The following UBA1 variants were observed in gnomAD, a reference collection of about 807,000 sequenced individuals.
UBA1 encodes ubiquitin like modifier activating enzyme 1.
A neutral mutation model predicts 84.7 loss-of-function variants in UBA1; 4 were observed. The ratio of observed to expected loss-of-function variants is 0.05; its 90% CI spans 0.02 to 0.11. The LOEUF (loss-of-function observed/expected upper bound fraction) is 0.11, where lower values mean the gene tolerates loss of function less well. Among genes scored for constraint, UBA1 ranks in the 10% least tolerant of loss-of-function variants. UBA1 has a pLI of 1.00. For synonymous variants in UBA1, 364 were observed against 362.6 expected (o/e 1.00, Z -0.04); for missense variants, 513 against 902.8 (o/e 0.57, Z 5.53).
Position 47,202,567 on chromosome X carries a change from T to C in UBA1, c.1056+63T>C, listed in dbSNP as rs1327745253. The C allele has an allele frequency of 7.5e-6, 9 of 1,204,901 alleles. No individual in the cohort carries two copies. The Admixed American group carries it at 2.0e-4, about 27-fold the overall frequency. ...TGGCACTGCAGGCTCACCATGCCTC[T>C]CTGCGTGTCCACACTCCCTGCCCTC... On this transcript the variant is annotated intron_variant, in intron 10 of 25. Transcript: ENST00000335972.
chrX:47,214,470 G>A (rs369088520), intron 24 of UBA1, 42 bp downstream of exon 24: 28 of 1,198,734 alleles, frequency 2.3e-5, no homozygotes, highest in Non-Finnish European at 2.9e-5. Context: ...CTCAGGGGGC[G>A]AGGTGTACAC....
At chrX:47,196,226 C>T (rs1429217038) in intron 1 of UBA1, among the ~76,000 whole-genome samples, 5 of 111,400 alleles carry the variant, frequency 4.5e-5, no homozygotes, top group African/African-American at 1.3e-4. Flanking sequence ...ATCTCCTTTC[C>T]CATTTGTCTC....
At chrX:47,211,271 C>T (rs375171899) in intron 20 of UBA1, 46 bp downstream of exon 20, 34 of 1,173,713 alleles carry the variant, frequency 2.9e-5, no homozygotes, top group Middle Eastern at 5.5e-4. Context: ...CACATGTCCC[C>T]GGCCTAGTCC....
intron 5 of UBA1, among the ~76,000 whole-genome samples, chrX:47,200,225 G>A (rs782393958): frequency 7.1e-5 from 8 of 112,445 alleles, no homozygotes; most frequent in African/African-American, 2.6e-4. Context: ...TTCATCTCCT[G>A]TACCTTTGTT....
At chrX:47,204,046 C>T (rs1392117054) in intron 14 of UBA1, among the ~76,000 whole-genome samples, 1 of 109,793 alleles carries the variant, frequency 9.1e-6, no homozygotes, top group Non-Finnish European at 1.9e-5. Flanking sequence ...CCACACCTCA[C>T]CCCTCCTTTT....
rs782494776 is a variant in UBA1, at chrX:47,210,926, C to T, written c.2274+10C>T. 1.7e-6 allele frequency: 2 copies of T among 1,211,108 alleles called. No homozygotes were observed. The highest frequency in any genetic ancestry group is 2.2e-6 in the Non-Finnish European group (2 of 895,011). Reference sequence around the variant, plus strand: ...CTTTGATGTCAACAATGTAAGTCTCCTTTCTAGGGTCTTCTGGGGTCAGGT... The same window carrying T: ...CTTTGATGTCAACAATGTAAGTCTCTTTTCTAGGGTCTTCTGGGGTCAGGT... On this transcript the variant is annotated intron_variant, in intron 19 of 25. Transcript: ENST00000335972.
At chrX:47,209,565 C>T in intron 16 of UBA1, 58 bp from the exon 17 acceptor site, 1 of 1,089,230 alleles carries the variant, frequency 9.2e-7, no homozygotes, top group East Asian at 3.0e-5. Flanking sequence ...CTAATAATGC[C>T]TGCGGAAACC....
chrX:47,196,756 T>G (rs1289296159), intron 1 of UBA1, among the ~76,000 whole-genome samples: 9 of 111,592 alleles, frequency 8.1e-5, no homozygotes, highest in Non-Finnish European at 1.7e-4. Flanking sequence ...GTCCAGATAT[T>G]AAAGTGCTCT....
upstream of UBA1, among the ~76,000 whole-genome samples, chrX:47,193,078 A>G (rs1936091146): frequency 9.0e-6 from 1 of 111,351 alleles, no homozygotes; most frequent in South Asian, 3.8e-4. Context: ...CACTGCAGTG[A>G]CATCTTTCAT....
intron 21 of UBA1, 75 bp from the exon 22 acceptor site, chrX:47,212,696 A>G (rs782739473): frequency 4.2e-5 from 41 of 972,844 alleles, no homozygotes; most frequent in Admixed American, 3.9e-4. Flanking sequence ...CCAGCAGGCA[A>G]TTGCAGTGGA....
Position 47,202,193 on chromosome X carries a change from C to T in UBA1, c.849C>T (p.Phe283=), listed in dbSNP as rs373510627. The change falls in exon 9 of 26, where the codon TTC becomes TTT. Residue 283 remains phenylalanine (F), a synonymous_variant. Coordinates refer to ENST00000335972, the MANE Select transcript of UBA1 (RefSeq NM_003334.4). The part of the protein sequence containing the change: ...YTFSICDTSN[F]SDYIRGGIVS... ...TTAGCATCTGTGACACCTCCAACTTCTCCGACTACATCCGTGGAGGCATCG... is the reference window on the plus strand; with the variant it reads ...TTAGCATCTGTGACACCTCCAACTTTTCCGACTACATCCGTGGAGGCATCG... 3 of 1,209,105 alleles carry T rather than the reference C, an allele frequency of 2.5e-6. No individual in the cohort carries two copies. In the African/African-American group the frequency reaches 5.3e-5, roughly 21 times the overall value.
Position 47,202,364 on chromosome X carries a change from T to C in UBA1, c.916T>C (p.Leu306=). The change falls in exon 10 of 26, where the codon TTG becomes CTG. Residue 306 remains leucine, a synonymous_variant. Transcript: ENST00000335972. ...ACCTCTCCCCCCGCCACAGAAATCCTTGGTGGCCTCACTGGCAGAACCTGA... is the reference window on the plus strand; with the variant it reads ...ACCTCTCCCCCCGCCACAGAAATCCCTGGTGGCCTCACTGGCAGAACCTGA... The part of the protein sequence containing the change: ...KVPKKISFKS[L]VASLAEPDFV... 1.7e-6 allele frequency: 2 copies of C among 1,211,852 alleles called. No individual in the cohort carries two copies. The highest frequency in any genetic ancestry group is 1.8e-5 in the South Asian group (1 of 56,924).
intron 1 of UBA1, among the ~76,000 whole-genome samples, chrX:47,195,790 G>A (rs1556785335): frequency 9.0e-6 from 1 of 111,020 alleles, no homozygotes; most frequent in African/African-American, 3.3e-5. Flanking sequence ...GGGCCTTTGT[G>A]TTCCATTAGA....
chrX:47,213,928 T>C (rs1937037390), intron 23 of UBA1, among the ~76,000 whole-genome samples: 1 of 109,269 alleles, frequency 9.2e-6, no homozygotes, highest in Non-Finnish European at 1.9e-5. Context: ...GTATTTGAGA[T>C]TTTGTGTAGG....
At chrX:47,199,696 T>C in intron 5 of UBA1, 82 bp downstream of exon 5, 1 of 1,111,831 alleles carries the variant, frequency 9.0e-7, no homozygotes, top group Non-Finnish European at 1.2e-6. Context: ...TCAATATTGA[T>C]TTAATGGGTC....
intron 5 of UBA1, among the ~76,000 whole-genome samples, 173 bp downstream of exon 5, chrX:47,199,787 CTT>C (rs371252758): frequency 4.9e-5 from 5 of 101,903 alleles, no homozygotes; most frequent in African/African-American, 3.5e-5. Context: ...TTCTTTTCTT[CTT>C]TTTTTTTTTT....
At chrX:47,200,731 C>A (rs1383382096) in intron 5 of UBA1, among the ~76,000 whole-genome samples, 163 bp from the exon 6 acceptor site, 1 of 112,158 alleles carries the variant, frequency 8.9e-6, no homozygotes, top group Non-Finnish European at 1.9e-5. Context: ...ATTTTCGACC[C>A]CCACAGAGTC....
At chrX:47,193,502 T>C (rs1936098611), upstream of UBA1, among the ~76,000 whole-genome samples, 3 of 112,314 alleles carry the variant, frequency 2.7e-5, no homozygotes, top group Non-Finnish European at 5.6e-5. Context: ...TTCTGGTTGC[T>C]GGTTGTTAGT....
intron 18 of UBA1, 100 bp downstream of exon 18, chrX:47,210,223 G>T: frequency 1.0e-6 from 1 of 957,233 alleles, no homozygotes; most frequent in Non-Finnish European, 1.5e-6. Context: ...TGTGGCAGGT[G>T]CCCTGAGGCA....
Sources: gnomAD v4.1 joint callset for allele counts (sites outside exome capture counted in the v4.1 genomes callset) on GRCh38, gnomAD v4.1.1 for gene constraint, MANE v1.5 for transcripts, NCBI Gene and HGNC (gene_info 2026-07-23, HGNC 2026-07-21) for gene names.